TMEM248: variants seen among roughly 807,000 people sequenced by gnomAD.
The protein encoded by TMEM248 is transmembrane protein 248, also known as UPF0458 protein C7orf42.
TMEM248 carries 9 observed loss-of-function variants against 30.3 expected under a neutral mutation model. The ratio of observed to expected loss-of-function variants is 0.30; its 90% CI spans 0.18 to 0.52. The LOEUF is 0.52. TMEM248 is among the 20% of genes least tolerant of loss of function. TMEM248 has a pLI of 0.97. For synonymous variants in TMEM248, 184 were observed against 154.4 expected (o/e 1.19, Z -1.42); for missense variants, 338 against 403.3 (o/e 0.84, Z 1.39).
rs1156647114 is a variant in TMEM248 at position 66,955,726 on chromosome 7, G to T, written c.*204G>T. 1.6e-5 allele frequency: 10 copies of T among 637,330 alleles called. No individual in the cohort carries two copies. The highest frequency in any genetic ancestry group is 3.3e-5 in the Admixed American group (1 of 30,092). 39.5% of individuals were successfully genotyped at this position (637,330 alleles called of 1,614,324 possible). On this transcript the variant is annotated 3_prime_UTR_variant, in exon 7 of 7. Coordinates refer to ENST00000341567, the MANE Select transcript of TMEM248 (RefSeq NM_017994.5). ...ATTGGTCCAATAATGCACGTGCTTTGCCCTGGGTACAGCCAGAGCCCTTCA... is the reference window on the plus strand; with the variant it reads ...ATTGGTCCAATAATGCACGTGCTTTTCCCTGGGTACAGCCAGAGCCCTTCA...
intron 6 of TMEM248, among the ~76,000 whole-genome samples, chr7:66,953,577 A>G (rs1396169644): frequency 6.6e-6 from 1 of 152,146 alleles, no homozygotes; most frequent in African/African-American, 2.4e-5. Context: ...AAAATGGTAC[A>G]GTATTTGCAT....
chr7:66,941,754 C>T, intron 1 of TMEM248, 94 bp from the exon 2 acceptor site: 1 of 1,085,048 alleles, frequency 9.2e-7, no homozygotes, highest in Non-Finnish European at 1.3e-6. Flanking sequence ...CCATCCCACC[C>T]AGCTCACCCC....
rs1486245215 is a variant in TMEM248, at chr7:66,945,075, A to G, written c.259A>G (p.Ser87Gly). Residue 87 changes from serine (S) to glycine (G), a missense_variant, in exon 3 of 7, where the codon AGT (serine) becomes GGT (glycine). Coordinates refer to ENST00000341567, the MANE Select transcript of TMEM248 (RefSeq NM_017994.5). The stretch of plus-strand genomic sequence containing the variant: ...CACAAACGACACCACAACTCCGGAA[A>G]GTACAATGACCAGCGGGCAGGCCCG... The part of the protein sequence containing the change: ...HLTNDTTTPE[S>G]TMTSGQARAS... 6.2e-7 allele frequency: 1 copy of G among 1,614,256 alleles called. No individual in the cohort carries two copies. Among genetic ancestry groups the G allele is most frequent in the African/African-American group, 1.3e-5 (1 of 75,072 alleles).
chr7:66,935,962 A>G (rs2129222607), intron 1 of TMEM248, among the ~76,000 whole-genome samples: 1 of 152,262 alleles, frequency 6.6e-6, no homozygotes. Flanking sequence ...TAGTTTTTTG[A>G]TGGAGTATTT....
intron 5 of TMEM248, 112 bp downstream of exon 5, chr7:66,951,247 C>A: frequency 9.9e-7 from 1 of 1,008,832 alleles, no homozygotes; most frequent in Non-Finnish European, 1.3e-6. Context: ...TAAGCGTATC[C>A]TCTGCCACTT....
intron 1 of TMEM248, among the ~76,000 whole-genome samples, chr7:66,933,497 T>G (rs1384046128): frequency 6.6e-6 from 1 of 152,244 alleles, no homozygotes; most frequent in Non-Finnish European, 1.5e-5. Context: ...TCCTTAGGTT[T>G]AGTTCTTAGA....
chr7:66,946,235 C>T (rs886860178), intron 3 of TMEM248, among the ~76,000 whole-genome samples: 13 of 152,180 alleles, frequency 8.5e-5, no homozygotes, highest in African/African-American at 3.1e-4. Context: ...GCACTCCAGC[C>T]TGGGCGACAG....
chr7:66,928,723 A>G (rs1191061139), intron 1 of TMEM248, among the ~76,000 whole-genome samples: 2 of 152,152 alleles, frequency 1.3e-5, no homozygotes, highest in Non-Finnish European at 2.9e-5. Context: ...TTGCAAAATT[A>G]TATGGATGCT....
intron 1 of TMEM248, among the ~76,000 whole-genome samples, chr7:66,935,156 C>A (rs1427289988): frequency 1.3e-5 from 2 of 152,048 alleles, no homozygotes; most frequent in African/African-American, 2.4e-5. Context: ...TTAATCTTAA[C>A]CTAACTAGTG....
Position 66,929,426 on chromosome 7 carries a change from A to ATTTTTTTTTTTTTTTTTTTTTTTTT in TMEM248, c.-19+7969_-19+7993dup, listed in dbSNP as rs35126436. On this transcript the variant is annotated intron_variant, in intron 1 of 6. Coordinates refer to ENST00000341567, the MANE Select transcript of TMEM248 (RefSeq NM_017994.5). ...ACAATATCATGGAAATGAGAGACAA[A>ATTTTTTTTTTTTTTTTTTTTTTTTT]TTTTTTTTTTTTTTTTTTTTTTTTT... Among the ~76,000 whole-genome samples the ATTTTTTTTTTTTTTTTTTTTTTTTT allele has an allele frequency of 3.7e-4, 36 of 97,674 alleles. 3 individuals are homozygous for ATTTTTTTTTTTTTTTTTTTTTTTTT. Among genetic ancestry groups the ATTTTTTTTTTTTTTTTTTTTTTTTT allele is most frequent in the East Asian group, 1.1e-3 (3 of 2,714 alleles). 64.1% of individuals were successfully genotyped at this position (97,674 alleles called of 152,430 possible). A position where few individuals can be genotyped will look rare whatever the true frequency, so the allele number is the denominator to read the frequency against.
Position 66,958,487 on chromosome 7 carries a change from C to G in TMEM248, c.*2965C>G, listed in dbSNP as rs1425482823. On this transcript the variant is annotated 3_prime_UTR_variant, in exon 7 of 7. Coordinates refer to ENST00000341567, the MANE Select transcript of TMEM248 (RefSeq NM_017994.5). ...GCTGATCTGTTATGGCATTCACTTC[C>G]AGATTAATTTTCCGTGTTTGAAGTA... 1 of 152,626 alleles carries G rather than the reference C, an allele frequency of 6.6e-6. No individual in the cohort carries two copies. 9.5% of individuals were successfully genotyped at this position (152,626 alleles called of 1,614,324 possible).
In TMEM248 at chr7:66,941,922, C is replaced by A. The variant is rs764311679; in HGVS notation, c.57C>A (p.Pro19=). The part of the protein sequence containing the change: ...NLKVYISSRP[P]LVVFMISVSA... ...AGGTGTACATCAGCAGTCGGCCTCC[C>A]CTGGTGGTCTTCATGATCAGCGTAA... The change falls in exon 2 of 7, where the codon CCC becomes CCA. Residue 19 remains proline, a synonymous_variant. Transcript: ENST00000341567. 1.9e-5 allele frequency: 31 copies of A among 1,613,982 alleles called. No individual in the cohort carries two copies. In the South Asian group the frequency reaches 3.4e-4, roughly 18 times the overall value.
At chr7:66,923,554 A>G (rs911672785) in intron 1 of TMEM248, among the ~76,000 whole-genome samples, 1 of 152,252 alleles carries the variant, frequency 6.6e-6, no homozygotes, top group Non-Finnish European at 1.5e-5. Flanking sequence ...ACAAGCACCC[A>G]GGCTAGGTAG....
intron 1 of TMEM248, among the ~76,000 whole-genome samples, chr7:66,929,333 G>A (rs926911494): frequency 1.3e-5 from 2 of 151,728 alleles, no homozygotes; most frequent in East Asian, 1.9e-4. Flanking sequence ...AGGCAATGAC[G>A]GTAGACGTTA....
chr7:66,944,566 CTT>C (rs1792044438), intron 2 of TMEM248, among the ~76,000 whole-genome samples: 3 of 152,236 alleles, frequency 2.0e-5, no homozygotes, highest in African/African-American at 7.2e-5. Flanking sequence ...TTTAAGGTGA[CTT>C]TATTTAAAGA....
intron 6 of TMEM248, among the ~76,000 whole-genome samples, chr7:66,954,375 CTTTTTTAATTTTTTTT>C (rs910258525): frequency 2.1e-5 from 3 of 142,980 alleles, no homozygotes; most frequent in Non-Finnish European, 3.1e-5. Flanking sequence ...AGTATTTTTG[CTTTTTTAATTTTTTTT>C]TTTTTTTTTT....
At chr7:66,928,667 C>T (rs1161463581) in intron 1 of TMEM248, among the ~76,000 whole-genome samples, 1 of 152,204 alleles carries the variant, frequency 6.6e-6, no homozygotes, top group African/African-American at 2.4e-5. Context: ...TTGCCTCTAT[C>T]ACCCTAGTGA....
intron 1 of TMEM248, among the ~76,000 whole-genome samples, chr7:66,931,899 G>T (rs1201873902): frequency 6.8e-6 from 1 of 146,448 alleles, no homozygotes; most frequent in Non-Finnish European, 1.5e-5. Context: ...CCGTCTCCTG[G>T]ATTCATGCCA....
At chr7:66,923,376 A>AGTG in intron 1 of TMEM248, among the ~76,000 whole-genome samples, 1 of 152,214 alleles carries the variant, frequency 6.6e-6, no homozygotes, top group South Asian at 2.1e-4. Context: ...TCCTGACCTC[A>AGTG]GGTGATCTGC....
Sources: allele counts gnomAD v4.1 joint callset (sites outside exome capture counted in the v4.1 genomes callset), GRCh38; gene constraint gnomAD v4.1.1; transcripts MANE v1.5; gene names NCBI Gene and HGNC (gene_info 2026-07-23, HGNC 2026-07-21).